The following SYN3 variants were observed in gnomAD, a reference collection of about 807,000 sequenced individuals.
The protein encoded by SYN3 is synapsin-3.
Under a neutral mutation model 65.8 loss-of-function variants are expected in SYN3, and 35 were observed. That is an observed-to-expected ratio of 0.53 (90% CI 0.41 to 0.70). SYN3 has a LOEUF of 0.70. Among genes scored for constraint, SYN3 ranks in the 30% least tolerant of loss-of-function variants. SYN3 has a pLI of 0.00. For missense variants in SYN3, 680 were observed against 749.0 expected, an observed-to-expected ratio of 0.91 and a Z score of 1.08; for synonymous variants, 270 against 292.9, an observed-to-expected ratio of 0.92 and a Z score of 0.80.
At chr22:32,912,429 C>G (rs1201666749) in intron 4 of SYN3, among the ~76,000 whole-genome samples, 1 of 151,994 alleles carries the variant, frequency 6.6e-6, no homozygotes, top group African/African-American at 2.4e-5. Flanking sequence ...AAAGCACTCA[C>G]TCTTGGCTGG....
chr22:32,622,787 G>C (rs571124809), intron 6 of SYN3, among the ~76,000 whole-genome samples: 2 of 151,544 alleles, frequency 1.3e-5, no homozygotes, highest in Non-Finnish European at 2.9e-5. Flanking sequence ...TGCAGGGAGA[G>C]GCTTCAAGCT....
intron 1 of SYN3, among the ~76,000 whole-genome samples, chr22:33,055,336 A>G (rs1455971994): frequency 1.3e-5 from 2 of 152,164 alleles, no homozygotes; most frequent in Non-Finnish European, 2.9e-5. Context: ...TTTGCCCACT[A>G]TGCGCTCCAA....
chr22:32,956,063 A>ATATATATATATATATATATAT (rs1569355322), intron 3 of SYN3, among the ~76,000 whole-genome samples: 3 of 81,074 alleles, frequency 3.7e-5, no homozygotes, highest in East Asian at 4.6e-4. Flanking sequence ...TATATATATA[A>ATATATATATATATATATATAT]AATCTCCTAT....
intron 6 of SYN3, among the ~76,000 whole-genome samples, chr22:32,813,602 G>C (rs1248474963): frequency 1.3e-5 from 2 of 151,264 alleles, no homozygotes; most frequent in Non-Finnish European, 2.9e-5. Context: ...TTGTGATCTG[G>C]AATCCATTTT....
At chr22:32,661,979 A>G (rs1219389316) in intron 6 of SYN3, among the ~76,000 whole-genome samples, 1 of 152,180 alleles carries the variant, frequency 6.6e-6, no homozygotes, top group Non-Finnish European at 1.5e-5. Context: ...GTGACAGATG[A>G]AAAGTCATAC....
Position 32,559,642 on chromosome 22 carries a change from G to C in SYN3, c.775-17929C>G, listed in dbSNP as rs1023327370. Among the ~76,000 whole-genome samples, 3 of 140,618 alleles carry C rather than the reference G, an allele frequency of 2.1e-5. No homozygotes were observed. In the East Asian group the frequency reaches 6.5e-4, roughly 30 times the overall value. The allele number at this position is 140,618 out of a possible 152,430, so 92.3% of individuals were successfully genotyped here. On this transcript the variant is annotated intron_variant, in intron 7 of 13. Transcript: ENST00000358763. ...AGATCGAGACCATCCTGGCTAACACGGTGAAACCCCATCTCTACTAAAAAA... is the reference window on the plus strand; with the variant it reads ...AGATCGAGACCATCCTGGCTAACACCGTGAAACCCCATCTCTACTAAAAAA...
intron 9 of SYN3, among the ~76,000 whole-genome samples, chr22:32,534,895 G>A (rs1036128656): frequency 6.6e-6 from 1 of 152,158 alleles, no homozygotes; most frequent in Non-Finnish European, 1.5e-5. Flanking sequence ...AGAACACCAG[G>A]ATTCCCTCGA....
intron 6 of SYN3, among the ~76,000 whole-genome samples, chr22:32,844,001 A>G (rs2146210858): frequency 6.6e-6 from 1 of 152,108 alleles, no homozygotes; most frequent in East Asian, 1.9e-4. Flanking sequence ...AGTCATGGAG[A>G]GGATTTGTAC....
intron 6 of SYN3, among the ~76,000 whole-genome samples, chr22:32,685,494 T>C (rs1396312422): frequency 1.3e-4 from 20 of 152,226 alleles, no homozygotes; most frequent in Admixed American, 1.1e-3. Context: ...CTTCTTATCT[T>C]GTGGCCATAT....
At chr22:32,904,604 C>T (rs1450260305) in intron 4 of SYN3, among the ~76,000 whole-genome samples, 1 of 152,000 alleles carries the variant, frequency 6.6e-6, no homozygotes, top group African/African-American at 2.4e-5. Flanking sequence ...AGGCATTTTG[C>T]TTGTACATGT....
At chr22:32,776,628 G>C (rs532640584) in intron 6 of SYN3, among the ~76,000 whole-genome samples, 1 of 152,328 alleles carries the variant, frequency 6.6e-6, no homozygotes, top group East Asian at 1.9e-4. Flanking sequence ...CACCAGAATG[G>C]ATGCTCTGTT....
intron 1 of SYN3, among the ~76,000 whole-genome samples, chr22:33,034,113 G>A (rs1206849782): frequency 6.6e-6 from 1 of 151,434 alleles, no homozygotes; most frequent in African/African-American, 2.4e-5. Flanking sequence ...TTGAACCCAG[G>A]AGGCGGAGGT....
intron 4 of SYN3, among the ~76,000 whole-genome samples, chr22:32,923,669 T>A (rs9609657): frequency 0.11 from 16,098 of 152,284 alleles, 1,367 homozygotes; most frequent in East Asian, 0.43. Context: ...TGTGGAAGAT[T>A]CCACTGTTTT....
chr22:32,902,879 A>G (rs921623177), intron 4 of SYN3, among the ~76,000 whole-genome samples: 11 of 151,888 alleles, frequency 7.2e-5, no homozygotes, highest in Non-Finnish European at 1.3e-4. Flanking sequence ...GACAAAAAAA[A>G]AAAAAAAAGT....
intron 6 of SYN3, among the ~76,000 whole-genome samples, chr22:32,686,345 T>C (rs1344190671): frequency 2.0e-5 from 3 of 151,234 alleles, no homozygotes; most frequent in South Asian, 2.1e-4. Context: ...ACCATCGCCA[T>C]GTGGGGATCT....
intron 7 of SYN3, among the ~76,000 whole-genome samples, chr22:32,569,989 C>T (rs1449967225): frequency 2.6e-5 from 4 of 152,136 alleles, no homozygotes; most frequent in East Asian, 3.8e-4. Context: ...TTTCTGGCCC[C>T]GATGGCTTAC....
At chr22:32,998,905 T>A (rs1178665627) in intron 2 of SYN3, among the ~76,000 whole-genome samples, 2 of 149,720 alleles carry the variant, frequency 1.3e-5, no homozygotes, top group African/African-American at 5.0e-5. Context: ...CAGAAGTGAA[T>A]AAAAATAGAA....
chr22:32,663,004 A>G (rs2060236758), intron 6 of SYN3, among the ~76,000 whole-genome samples: 2 of 152,232 alleles, frequency 1.3e-5, no homozygotes, highest in South Asian at 4.1e-4. Context: ...ATGATGACAC[A>G]GAAAAAAAGA....
intron 1 of SYN3, among the ~76,000 whole-genome samples, chr22:33,016,635 G>C (rs923424585): frequency 2.6e-5 from 4 of 152,040 alleles, no homozygotes; most frequent in African/African-American, 9.7e-5. Flanking sequence ...GTTTTAATTT[G>C]CATTTCCCTG....
Sources: allele counts gnomAD v4.1 joint callset (sites outside exome capture counted in the v4.1 genomes callset), GRCh38; gene constraint gnomAD v4.1.1; transcripts MANE v1.5; gene names NCBI Gene and HGNC (gene_info 2026-07-23, HGNC 2026-07-21).